DOCK5: variants seen among roughly 807,000 people sequenced by gnomAD.
The protein encoded by DOCK5 is dedicator of cytokinesis protein 5.
A neutral mutation model predicts 251.8 loss-of-function variants in DOCK5; 142 were observed. That is an observed-to-expected ratio of 0.56 (90% confidence interval 0.49 to 0.65). The LOEUF (loss-of-function observed/expected upper bound fraction) is 0.65. DOCK5 is among the 30% of genes least tolerant of loss of function. DOCK5 has a pLI of 0.00. For synonymous variants in DOCK5, 842 were observed against 835.5 expected (o/e 1.01, Z -0.13); for missense variants, 2,111 against 2,312.3 (o/e 0.91, Z 1.79).
chr8:25,345,892 C>G (rs1283035968), intron 26 of DOCK5, among the ~76,000 whole-genome samples: 1 of 152,078 alleles, frequency 6.6e-6, no homozygotes, highest in Non-Finnish European at 1.5e-5. Flanking sequence ...CTCTGTCGCC[C>G]AGGCTGGAGT....
At chr8:25,214,533 G>A (rs529324696) in intron 1 of DOCK5, among the ~76,000 whole-genome samples, 2 of 152,202 alleles carry the variant, frequency 1.3e-5, no homozygotes, top group East Asian at 3.9e-4. Context: ...CAACATCCAG[G>A]CGGGTGACAC....
rs1164300175 is a variant in DOCK5 at position 25,268,943 on chromosome 8, T to G, written c.168+58T>G. ...TGAAATCTGTCTGCTAGTTTTGTAT[T>G]GTGCTATGTGACCCTCTCCTCTGCT... On this transcript the variant is annotated intron_variant, in intron 3 of 51. Transcript: ENST00000276440. 6 of 1,421,954 alleles carry G rather than the reference T, an allele frequency of 4.2e-6. No homozygotes were observed. In the Admixed American group the frequency reaches 1.3e-4, roughly 30 times the overall value. The allele number at this position is 1,421,954 out of a possible 1,614,324, so 88.1% of individuals were successfully genotyped here. A position where few individuals can be genotyped will look rare whatever the true frequency, so the allele number is the denominator to read the frequency against.
chr8:25,239,005 T>C (rs1802871867), intron 1 of DOCK5, among the ~76,000 whole-genome samples: 2 of 152,180 alleles, frequency 1.3e-5, no homozygotes, highest in African/African-American at 4.8e-5. Flanking sequence ...GGAAAATTGT[T>C]GTGGAATGTC....
intron 47 of DOCK5, among the ~76,000 whole-genome samples, chr8:25,402,253 G>T (rs901577730): frequency 6.6e-6 from 1 of 152,072 alleles, no homozygotes; most frequent in Non-Finnish European, 1.5e-5. Context: ...TCAGCTTCCT[G>T]AGTAGCTGGA....
chr8:25,202,170 A>C (rs1446637167), intron 1 of DOCK5, among the ~76,000 whole-genome samples: 1 of 151,972 alleles, frequency 6.6e-6, no homozygotes, highest in African/African-American at 2.4e-5. Context: ...GGCATGCACC[A>C]CCACCCCCAG....
chr8:25,343,173 T>G, intron 25 of DOCK5, among the ~76,000 whole-genome samples: 1 of 151,906 alleles, frequency 6.6e-6, no homozygotes, highest in Non-Finnish European at 1.5e-5. Context: ...TAATTTTTTT[T>G]TTTTTTTGTA....
intron 51 of DOCK5, 102 bp from the exon 52 acceptor site, chr8:25,411,092 G>T: frequency 7.4e-7 from 1 of 1,358,376 alleles, no homozygotes; most frequent in Non-Finnish European, 9.6e-7. Context: ...GATAAACTCA[G>T]ATCAATTAGA....
At chr8:25,239,775 A>T (rs1327125882) in intron 1 of DOCK5, among the ~76,000 whole-genome samples, 2 of 152,156 alleles carry the variant, frequency 1.3e-5, no homozygotes, top group Admixed American at 6.5e-5. Context: ...AACCTATGTC[A>T]CCAGCCAATC....
At chr8:25,251,834 C>G (rs1803278128) in intron 2 of DOCK5, among the ~76,000 whole-genome samples, 1 of 152,008 alleles carries the variant, frequency 6.6e-6, no homozygotes, top group Non-Finnish European at 1.5e-5. Flanking sequence ...ACTAAAGATA[C>G]AAAAATTAGC....
rs1285101081 is a variant in DOCK5 at position 25,213,070 on chromosome 8, G to A, written c.43+28119G>A. On this transcript the variant is annotated intron_variant, in intron 1 of 51. Transcript: ENST00000276440. ...GGACGAGTTTGTTGGAAAAGCCCCC[G>A]TGACTGGGCTCTCGGTAGAGTGGCA... Among the ~76,000 whole-genome samples, 7 of 19,496 alleles carry A rather than the reference G, an allele frequency of 3.6e-4. 2 individuals carry two copies. In the Admixed American group the frequency reaches 5.7e-3, roughly 16 times the overall value. The allele number at this position is 19,496 out of a possible 152,430, so 12.8% of individuals were successfully genotyped here.
chr8:25,234,644 T>C (rs1802749732), intron 1 of DOCK5, among the ~76,000 whole-genome samples: 1 of 152,222 alleles, frequency 6.6e-6, no homozygotes, highest in South Asian at 2.1e-4. Flanking sequence ...GGTGAGTACA[T>C]GGCTGAGGCC....
chr8:25,406,556 T>A (rs1405781865), intron 48 of DOCK5, among the ~76,000 whole-genome samples: 3 of 152,198 alleles, frequency 2.0e-5, no homozygotes, highest in African/African-American at 7.2e-5. Context: ...AATTATAGCA[T>A]ATAGTTTGGT....
chr8:25,234,850 C>G (rs1386885776), intron 1 of DOCK5, among the ~76,000 whole-genome samples: 1 of 152,238 alleles, frequency 6.6e-6, no homozygotes, highest in East Asian at 1.9e-4. Flanking sequence ...CATTGTCCAT[C>G]AACCATTGCC....
chr8:25,299,845 A>G (rs944558793), intron 8 of DOCK5, among the ~76,000 whole-genome samples: 2 of 152,316 alleles, frequency 1.3e-5, no homozygotes, highest in South Asian at 4.1e-4. Flanking sequence ...ATTGCTGACA[A>G]TTTGTTTCTT....
intron 45 of DOCK5, among the ~76,000 whole-genome samples, chr8:25,398,646 A>G (rs1379829765): frequency 6.6e-6 from 1 of 152,136 alleles, no homozygotes; most frequent in Non-Finnish European, 1.5e-5. Context: ...ATGCTCCTCC[A>G]TGTCTTGTCG....
intron 25 of DOCK5, among the ~76,000 whole-genome samples, chr8:25,342,815 C>T (rs559943415): frequency 1.4e-3 from 191 of 138,758 alleles, no homozygotes; most frequent in Middle Eastern, 3.9e-3. Flanking sequence ...TCTCCTGCCT[C>T]AGCCTCCCAA....
intron 2 of DOCK5, among the ~76,000 whole-genome samples, chr8:25,249,307 G>GT (rs566338293): frequency 2.0e-5 from 3 of 152,110 alleles, no homozygotes; most frequent in East Asian, 3.9e-4. Context: ...GGCCTTGTGG[G>GT]TTTTTTTGTT....
At chr8:25,354,387 T>C (rs1384994187) in intron 27 of DOCK5, among the ~76,000 whole-genome samples, 1 of 152,234 alleles carries the variant, frequency 6.6e-6, no homozygotes, top group African/African-American at 2.4e-5. Context: ...CTATAGATAA[T>C]TACATACTTG....
chr8:25,364,710 C>T lies in DOCK5; in HGVS notation c.3123+6C>T. ...AGGCAAGCTTTGAACTTCAGGTAGG[C>T]ATGTGACTCACCTACCTGCTTCTAG... On this transcript the variant is annotated splice_donor_region_variant and intron_variant, in intron 30 of 51. Coordinates refer to ENST00000276440, the MANE Select transcript of DOCK5 (RefSeq NM_024940.8). The T allele has an allele frequency of 6.3e-7, 1 of 1,577,932 alleles. No homozygotes were observed. Among genetic ancestry groups the T allele is most frequent in the Middle Eastern group, 1.7e-4 (1 of 6,012 alleles).
Sources: gnomAD v4.1 joint callset for allele counts (sites outside exome capture counted in the v4.1 genomes callset) on GRCh38, gnomAD v4.1.1 for gene constraint, MANE v1.5 for transcripts, NCBI Gene and HGNC (gene_info 2026-07-23, HGNC 2026-07-21) for gene names.